Variants in SYNE1 observed in about 807,000 individuals in gnomAD.
SYNE1 encodes spectrin repeat containing nuclear envelope protein 1.
A neutral mutation model predicts 1,111.0 loss-of-function variants in SYNE1; 616 were observed. That is an observed-to-expected ratio of 0.55 (90% CI 0.52 to 0.59). The LOEUF is 0.59. Among genes scored for constraint, SYNE1 ranks in the 20% least tolerant of loss-of-function variants. The pLI is 0.00. For missense variants in SYNE1, 10,006 were observed against 10,417.0 expected (o/e 0.96, Z 1.72); for synonymous variants, 3,855 against 3,825.8 (o/e 1.01, Z -0.28).
At chr6:152,450,954 TA>T (rs1426302245) in intron 26 of SYNE1, 92 bp downstream of exon 26, 1 of 1,600,754 alleles carries the variant, frequency 6.2e-7, no homozygotes, top group African/African-American at 1.3e-5. Flanking sequence ...ATTAAGCTAT[TA>T]TTTTTCAGAC....
intron 3 of SYNE1, among the ~76,000 whole-genome samples, chr6:152,581,614 C>T (rs1170878847): frequency 6.6e-6 from 1 of 152,178 alleles, no homozygotes; most frequent in African/African-American, 2.4e-5. Context: ...GCTTTCATTC[C>T]TTGTCCTGTC....
intron 97 of SYNE1, among the ~76,000 whole-genome samples, chr6:152,280,828 G>A (rs1006657847): frequency 6.6e-6 from 1 of 152,112 alleles, no homozygotes; most frequent in Non-Finnish European, 1.5e-5. Context: ...TATCATCATG[G>A]CAAAGAATAA....
chr6:152,463,726 C>T (rs1194380913), intron 18 of SYNE1, among the ~76,000 whole-genome samples: 1 of 152,026 alleles, frequency 6.6e-6, no homozygotes, highest in Admixed American at 6.6e-5. Context: ...AACAATTGTG[C>T]CATATCATTT....
intron 133 of SYNE1, among the ~76,000 whole-genome samples, chr6:152,154,445 T>TACACACACAC (rs56398921): frequency 3.0e-4 from 43 of 143,278 alleles, no homozygotes; most frequent in African/African-American, 9.3e-4. Context: ...TTTTATCAAA[T>TACACACACAC]ACACACACAC....
At chr6:152,145,638 G>T (rs913042924) in intron 137 of SYNE1, 3 of 1,262,738 alleles carry the variant, frequency 2.4e-6, no homozygotes, top group Non-Finnish European at 3.5e-6. Context: ...TTTCCTAGGG[G>T]AAAAAAAGGA....
At chr6:152,209,429 T>A (rs2077108697) in intron 124 of SYNE1, among the ~76,000 whole-genome samples, 1 of 152,026 alleles carries the variant, frequency 6.6e-6, no homozygotes, top group Non-Finnish European at 1.5e-5. Flanking sequence ...CTGCAAAAAA[T>A]TTCGTATGCC....
chr6:152,477,746 T>G (rs2098843684), intron 14 of SYNE1, among the ~76,000 whole-genome samples: 1 of 152,106 alleles, frequency 6.6e-6, no homozygotes, highest in South Asian at 2.1e-4. Flanking sequence ...CTGAGAAAGC[T>G]CAACAGATAT....
intron 137 of SYNE1, chr6:152,145,616 C>T: frequency 1.4e-6 from 2 of 1,471,536 alleles, no homozygotes; most frequent in Non-Finnish European, 9.5e-7. Flanking sequence ...ATCCCTTGTG[C>T]AGGAAAATAA....
chr6:152,551,491 G>A (rs1396489161), intron 3 of SYNE1, among the ~76,000 whole-genome samples: 3 of 152,148 alleles, frequency 2.0e-5, no homozygotes, highest in Non-Finnish European at 2.9e-5. Flanking sequence ...CTGACCAGCT[G>A]TGGATGCAAT....
At chr6:152,419,761 G>T (rs779020632) in intron 39 of SYNE1, 39 bp from the exon 40 acceptor site, 1 of 1,606,930 alleles carries the variant, frequency 6.2e-7, no homozygotes, top group Non-Finnish European at 8.5e-7. Context: ...TGTCCCATAA[G>T]TAAACAGAAA....
At chr6:152,381,546 C>T in intron 55 of SYNE1, 184 bp from the exon 56 acceptor site, 1 of 662,538 alleles carries the variant, frequency 1.5e-6, no homozygotes, top group South Asian at 1.8e-5. Flanking sequence ...ATCACGAGTG[C>T]CTAAGGCTTA....
At chr6:152,164,871 A>G (rs1421666477) in intron 130 of SYNE1, among the ~76,000 whole-genome samples, 1 of 152,214 alleles carries the variant, frequency 6.6e-6, no homozygotes, top group Admixed American at 6.5e-5. Flanking sequence ...TAACAGAGGT[A>G]AACAGCAGAT....
In SYNE1 at chr6:152,326,359, G is replaced by T. The variant is rs753148497; in HGVS notation, c.15230C>A (p.Ser5077Tyr). 6.2e-7 allele frequency: 1 copy of T among 1,613,904 alleles called. No individual in the cohort carries two copies. Among genetic ancestry groups the T allele is most frequent in the Non-Finnish European group, 8.5e-7 (1 of 1,179,994 alleles). ...CATCCTCTGGCTCCTGAGTTCCAGA[G>T]AAGCCACTTTCTGTTCTAGGTCTTC... is the stretch of plus-strand genomic sequence containing the variant. The part of the protein sequence containing the change: ...GKEDLEQKVA[S>Y]LELRSQRMSR... Residue 5077 changes from serine to tyrosine, a missense_variant, in exon 79 of 146, where the codon TCT becomes TAT. Transcript: ENST00000367255.
At chr6:152,620,254 G>A (rs1371398054) in intron 3 of SYNE1, among the ~76,000 whole-genome samples, 5 of 150,990 alleles carry the variant, frequency 3.3e-5, no homozygotes, top group African/African-American at 1.2e-4. Flanking sequence ...CTCATATGTG[G>A]GACTCTCCTC....
At chr6:152,448,993 G>A (rs1348575521) in intron 28 of SYNE1, among the ~76,000 whole-genome samples, 1 of 152,220 alleles carries the variant, frequency 6.6e-6, no homozygotes, top group Non-Finnish European at 1.5e-5. Context: ...ATGTGTCTAA[G>A]AGTGAGAGAG....
intron 29 of SYNE1, among the ~76,000 whole-genome samples, chr6:152,445,424 T>A (rs2098575045): frequency 6.6e-6 from 1 of 152,132 alleles, no homozygotes; most frequent in South Asian, 2.1e-4. Context: ...TTCCTCTATT[T>A]CAGTTTTACC....
Position 152,463,385 on chromosome 6 carries a change from G to A in SYNE1, c.2065C>T (p.Arg689Trp), listed in dbSNP as rs139480065. The change falls in exon 19 of 146, where the codon CGG (arginine) becomes TGG (tryptophan). Residue 689 changes from arginine to tryptophan, a missense_variant. Arg to Trp is a moderately radical substitution (Grantham distance 101). Around this residue, in one of 7 missense-constraint regions of SYNE1, gnomAD observed 1,971 missense variants for 2,084.1 expected, o/e 0.95. Coordinates refer to ENST00000367255, the MANE Select transcript of SYNE1 (RefSeq NM_182961.4). ...ACTTCCATAAACAACTCCCTCCACCGCCCATTTAGCAACAGTAATTGCTGC... is the reference window on the plus strand; with the variant it reads ...ACTTCCATAAACAACTCCCTCCACCACCCATTTAGCAACAGTAATTGCTGC... ...LKQQLLLLNG[R>W]WRELFMEVKQ... 1 of 1,613,588 alleles carries A rather than the reference G, an allele frequency of 6.2e-7. No individual in the cohort carries two copies. Among genetic ancestry groups the A allele is most frequent in the Non-Finnish European group, 8.5e-7 (1 of 1,179,732 alleles).
intron 14 of SYNE1, 139 bp from the exon 15 acceptor site, chr6:152,472,552 G>A: frequency 1.3e-6 from 1 of 787,918 alleles, no homozygotes; most frequent in South Asian, 1.4e-5. Context: ...GCAGCTTGGT[G>A]CCTGTCAAAG....
At chr6:152,465,859 T>A (rs1300429952) in intron 17 of SYNE1, 123 bp downstream of exon 17, 1 of 727,492 alleles carries the variant, frequency 1.4e-6, no homozygotes, top group African/African-American at 1.7e-5. Context: ...TGTGTTCTCC[T>A]GGCCAATGGC....
Sources: allele counts gnomAD v4.1 joint callset (sites outside exome capture counted in the v4.1 genomes callset), GRCh38; gene constraint gnomAD v4.1.1; regional missense constraint gnomAD v4.1.1; transcripts MANE v1.5; gene names NCBI Gene and HGNC (gene_info 2026-07-23, HGNC 2026-07-21).